SLC35F1: variants seen among roughly 807,000 people sequenced by gnomAD.
The protein encoded by SLC35F1 is solute carrier family 35 member F1.
A neutral mutation model predicts 48.7 loss-of-function variants in SLC35F1; 14 were observed. The observed-to-expected ratio is 0.29, with a 90% CI of 0.19 to 0.45. The LOEUF is 0.45. SLC35F1 is among the 20% of genes least tolerant of loss of function. The probability of loss-of-function intolerance (pLI) is 1.00; values close to 1 mark genes in which losing one functional copy is unlikely to be tolerated. For synonymous variants in SLC35F1, 190 were observed against 202.2 expected (o/e 0.94, Z 0.51); for missense variants, 404 against 500.0 (o/e 0.81, Z 1.83).
chr6:118,143,809 C>T (rs1773929247), intron 1 of SLC35F1, among the ~76,000 whole-genome samples: 1 of 152,158 alleles, frequency 6.6e-6, no homozygotes, highest in African/African-American at 2.4e-5. Flanking sequence ...ATCCTCATGA[C>T]AGCCTGTGGG....
At chr6:118,196,801 C>T (rs781283509) in intron 2 of SLC35F1, among the ~76,000 whole-genome samples, 3 of 152,088 alleles carry the variant, frequency 2.0e-5, no homozygotes, top group Non-Finnish European at 4.4e-5. Context: ...ATGTTTTCTT[C>T]TAGGAGTGTT....
intron 1 of SLC35F1, among the ~76,000 whole-genome samples, chr6:117,975,275 T>C (rs1776691194): frequency 6.6e-6 from 1 of 152,200 alleles, no homozygotes; most frequent in African/African-American, 2.4e-5. Context: ...GAAAAAAAGT[T>C]TGTTGAAGTT....
chr6:117,999,970 C>A (rs1777065710), intron 1 of SLC35F1, among the ~76,000 whole-genome samples: 1 of 151,262 alleles, frequency 6.6e-6, no homozygotes, highest in Admixed American at 6.6e-5. Context: ...GCTTACCAAC[C>A]AAAAAGAGTC....
chr6:118,160,372 G>A (rs1774212342), intron 2 of SLC35F1, among the ~76,000 whole-genome samples: 1 of 152,138 alleles, frequency 6.6e-6, no homozygotes, highest in South Asian at 2.1e-4. Context: ...CATGTGTTTT[G>A]CTTTTCAGTG....
intron 3 of SLC35F1, among the ~76,000 whole-genome samples, chr6:118,263,030 A>G (rs947242657): frequency 6.6e-6 from 1 of 152,056 alleles, no homozygotes; most frequent in Non-Finnish European, 1.5e-5. Flanking sequence ...GTGTGCCTCC[A>G]TGTCTCTATC....
At chr6:118,137,548 A>G (rs1043867794) in intron 1 of SLC35F1, among the ~76,000 whole-genome samples, 2 of 152,128 alleles carry the variant, frequency 1.3e-5, no homozygotes, top group African/African-American at 4.8e-5. Flanking sequence ...TTCTAGGGCC[A>G]TAGAGATGAC....
intron 1 of SLC35F1, among the ~76,000 whole-genome samples, chr6:118,146,968 C>T (rs1167670715): frequency 1.3e-5 from 2 of 152,110 alleles, no homozygotes; most frequent in Non-Finnish European, 2.9e-5. Flanking sequence ...TAGAAGAAAA[C>T]ATAAAGCTCA....
chr6:118,191,476 T>A (rs1321246382), intron 2 of SLC35F1, among the ~76,000 whole-genome samples: 1 of 152,198 alleles, frequency 6.6e-6, no homozygotes, highest in Non-Finnish European at 1.5e-5. Flanking sequence ...GGATACCATC[T>A]CCCTGGTTAG....
intron 2 of SLC35F1, among the ~76,000 whole-genome samples, chr6:118,216,256 A>C (rs1333224823): frequency 6.7e-6 from 1 of 150,120 alleles, no homozygotes; most frequent in East Asian, 1.9e-4. Context: ...TTTTTTTTTT[A>C]ATTTTTGTAG....
intron 1 of SLC35F1, among the ~76,000 whole-genome samples, chr6:118,134,553 G>C (rs1251328590): frequency 6.6e-6 from 1 of 152,174 alleles, no homozygotes; most frequent in Non-Finnish European, 1.5e-5. Flanking sequence ...CATGCAATAG[G>C]CAAGCGTTTA....
At chr6:118,073,275 G>A (rs1335749758) in intron 1 of SLC35F1, among the ~76,000 whole-genome samples, 2 of 152,190 alleles carry the variant, frequency 1.3e-5, no homozygotes, top group Non-Finnish European at 2.9e-5. Flanking sequence ...TAAGAGTTCT[G>A]ATTTTGGTGT....
At chr6:117,944,514 T>C (rs1776269640) in intron 1 of SLC35F1, among the ~76,000 whole-genome samples, 3 of 152,044 alleles carry the variant, frequency 2.0e-5, no homozygotes, top group African/African-American at 7.2e-5. Flanking sequence ...CTAGTTATTA[T>C]TTTTGTTTTT....
intron 1 of SLC35F1, among the ~76,000 whole-genome samples, chr6:118,069,247 T>G (rs903747737): frequency 2.0e-5 from 3 of 152,214 alleles, no homozygotes; most frequent in African/African-American, 7.2e-5. Context: ...AAATTGTTTT[T>G]GACAATTTCC....
At chr6:118,171,976 C>A (rs375006706) in intron 2 of SLC35F1, among the ~76,000 whole-genome samples, 152 of 152,216 alleles carry the variant, frequency 1.0e-3, no homozygotes, top group African/African-American at 3.5e-3. Context: ...GGAATTTATA[C>A]CATCCATAAA....
chr6:117,909,141 C>T (rs1232061913), intron 1 of SLC35F1, among the ~76,000 whole-genome samples: 2 of 152,160 alleles, frequency 1.3e-5, no homozygotes, highest in Non-Finnish European at 2.9e-5. Flanking sequence ...GAAAGAAATT[C>T]ACTCTGACGG....
chr6:118,192,608 A>C (rs1283398410), intron 2 of SLC35F1, among the ~76,000 whole-genome samples: 2 of 152,152 alleles, frequency 1.3e-5, no homozygotes, highest in Non-Finnish European at 2.9e-5. Context: ...GTCTACAATA[A>C]CTTAACATAA....
intron 1 of SLC35F1, among the ~76,000 whole-genome samples, chr6:117,966,611 C>T (rs1345346728): frequency 6.6e-6 from 1 of 152,212 alleles, no homozygotes; most frequent in Non-Finnish European, 1.5e-5. Flanking sequence ...TGGCTTCATT[C>T]TTGAAGTCAG....
At chr6:118,302,358 C>A (rs1224916843) in intron 7 of SLC35F1, among the ~76,000 whole-genome samples, 1 of 151,924 alleles carries the variant, frequency 6.6e-6, no homozygotes, top group Non-Finnish European at 1.5e-5. Context: ...TATAGTGCAC[C>A]CCAGGAGGAA....
At chr6:118,297,745 TATATATATA>T (rs1280858589) in intron 7 of SLC35F1, among the ~76,000 whole-genome samples, 4 of 30,592 alleles carry the variant, frequency 1.3e-4, no homozygotes, top group East Asian at 7.8e-4. Flanking sequence ...CTGAGAAATA[TATATATATA>T]ATATATATAT....
Sources: gnomAD v4.1 joint callset for allele counts (sites outside exome capture counted in the v4.1 genomes callset) on GRCh38, gnomAD v4.1.1 for gene constraint, MANE v1.5 for transcripts, NCBI Gene and HGNC (gene_info 2026-07-23, HGNC 2026-07-21) for gene names.